SPINT4: variants seen among roughly 807,000 people sequenced by gnomAD.
SPINT4 encodes kunitz-type protease inhibitor 4.
A neutral mutation model predicts 9.4 loss-of-function variants in SPINT4; 7 were observed. That is an observed-to-expected ratio of 0.74 (90% CI 0.42 to 1.40). SPINT4 has a LOEUF of 1.40. SPINT4 is among the 40% of genes most tolerant of loss of function. The probability of loss-of-function intolerance (pLI) is 0.01; values close to 1 mark genes in which losing one functional copy is unlikely to be tolerated. For synonymous variants in SPINT4, 36 were observed against 39.9 expected, an observed-to-expected ratio of 0.90 and a Z score of 0.37; for missense variants, 105 against 114.4, an observed-to-expected ratio of 0.92 and a Z score of 0.37.
chr20:45,722,674 GA>G (rs1568681814), intron 1 of SPINT4, among the ~76,000 whole-genome samples, 192 bp downstream of exon 1: 2 of 152,036 alleles, frequency 1.3e-5, no homozygotes, highest in Admixed American at 6.6e-5. Context: ...AGAAAAAACA[GA>G]AATGACACAA....
In SPINT4 at chr20:45,723,989, T is replaced by C; in HGVS notation, c.225T>C (p.Asn75=). 3 of 1,610,832 alleles carry C rather than the reference T, an allele frequency of 1.9e-6. No individual in the cohort carries two copies. The highest frequency in any genetic ancestry group is 1.7e-5 in the Admixed American group (1 of 59,260). The part of the protein sequence containing the change: ...RCETFVFSGC[N]GNLNNFKLKI... ...AAACTTTTGTCTTCTCCGGCTGTAA[T>C]GGCAACCTTAACAACTTCAAGCTTA... Residue 75 remains asparagine, a synonymous_variant, in exon 2 of 3, where the codon AAT becomes AAC. Coordinates refer to ENST00000279058, the MANE Select transcript of SPINT4 (RefSeq NM_178455.3).
intron 1 of SPINT4, among the ~76,000 whole-genome samples, chr20:45,723,351 C>A (rs6017663): frequency 0.46 from 70,468 of 151,708 alleles, 18,030 homozygotes; most frequent in African/African-American, 0.67. Context: ...TGAGGATGAA[C>A]GAGCATCACC....
chr20:45,722,599 C>T (rs1984824865), intron 1 of SPINT4, 117 bp downstream of exon 1: 4 of 730,798 alleles, frequency 5.5e-6, no homozygotes, highest in Non-Finnish European at 9.5e-6. Context: ...ATGACAATAC[C>T]CATAGACACT....
At chr20:45,724,994 A>T (rs1984901232) in intron 2 of SPINT4, among the ~76,000 whole-genome samples, 1 of 106,462 alleles carries the variant, frequency 9.4e-6, no homozygotes, top group Non-Finnish European at 1.8e-5. Context: ...AAAAAAAAAA[A>T]AATATATATA....
chr20:45,724,172 G>C (rs1216249108), intron 2 of SPINT4, 115 bp downstream of exon 2: 1 of 1,150,932 alleles, frequency 8.7e-7, no homozygotes, highest in Admixed American at 2.6e-5. Flanking sequence ...GGAAGAGGGA[G>C]GATTGCTCAA....
At chr20:45,722,508 T>C (rs1315813615) in intron 1 of SPINT4, 26 bp downstream of exon 1, 2 of 1,503,210 alleles carry the variant, frequency 1.3e-6, no homozygotes, top group East Asian at 2.3e-5. Context: ...AGAAAATAAA[T>C]CCAAAGGTCA....
chr20:45,725,013 T>TACACAC (rs1555808999), intron 2 of SPINT4, among the ~76,000 whole-genome samples: 2 of 49,524 alleles, frequency 4.0e-5, no homozygotes, highest in African/African-American at 3.1e-4. Flanking sequence ...TATATATATA[T>TACACAC]ATATATATAT....
chr20:45,725,100 G>A (rs1268905773), intron 2 of SPINT4, among the ~76,000 whole-genome samples: 7 of 147,144 alleles, frequency 4.8e-5, no homozygotes, highest in African/African-American at 1.8e-4. Context: ...CAAGCATCTC[G>A]AGGTCACATT....
intron 2 of SPINT4, among the ~76,000 whole-genome samples, chr20:45,724,675 T>A (rs995456451): frequency 2.6e-5 from 4 of 151,384 alleles, no homozygotes; most frequent in African/African-American, 9.7e-5. Flanking sequence ...TATATTGATA[T>A]AATTTAAAAT....
chr20:45,725,490 T>A, intron 2 of SPINT4, 139 bp from the exon 3 acceptor site: 2 of 859,832 alleles, frequency 2.3e-6, no homozygotes, highest in South Asian at 3.0e-5. Context: ...GAAAGATTAA[T>A]CAATAAAATA....
At chr20:45,722,948 T>C (rs1984835827) in intron 1 of SPINT4, among the ~76,000 whole-genome samples, 1 of 152,052 alleles carries the variant, frequency 6.6e-6, no homozygotes, top group African/African-American at 2.4e-5. Flanking sequence ...CTTTCTTCCA[T>C]AGATAGTGTG....
rs770970630 is a variant in SPINT4, at chr20:45,724,026, G to A, written c.262G>A (p.Glu88Lys). 45 of 1,609,802 alleles carry A rather than the reference G, an allele frequency of 2.8e-5. No homozygotes were observed. The highest frequency in any genetic ancestry group is 3.6e-5 in the Non-Finnish European group (43 of 1,178,884). ...CAACTTCAAGCTTAAAATAGAACGT[G>A]AAGTAGCCTGTGTTGCAAAATACAA... ...LNNFKLKIER[E>K]VACVAKYKPP... The change falls in exon 2 of 3, where the codon GAA becomes AAA. Residue 88 changes from glutamate to lysine, a missense_variant. By Grantham distance (56) the Glu-to-Lys change is moderately conservative. Coordinates refer to ENST00000279058, the MANE Select transcript of SPINT4 (RefSeq NM_178455.3).
rs200862274 is a variant in SPINT4, at chr20:45,723,995, C to A, written c.231C>A (p.Asn77Lys). 12 of 1,610,262 alleles carry A rather than the reference C, an allele frequency of 7.5e-6. No homozygotes were observed. The highest frequency in any genetic ancestry group is 2.2e-5 in the South Asian group (2 of 90,080). Residue 77 changes from asparagine to lysine, a missense_variant, in exon 2 of 3, where the codon AAC becomes AAA. By Grantham distance (94) the Asn-to-Lys change is moderately conservative. Transcript: ENST00000279058. ...ETFVFSGCNG[N>K]LNNFKLKIER... ...TTGTCTTCTCCGGCTGTAATGGCAA[C>A]CTTAACAACTTCAAGCTTAAAATAG... is the stretch of plus-strand genomic sequence containing the variant.
At chr20:45,725,013 T>TATATATACACATATATATATATACAC (rs772192688) in intron 2 of SPINT4, among the ~76,000 whole-genome samples, 1 of 49,520 alleles carries the variant, frequency 2.0e-5, no homozygotes, top group Non-Finnish European at 3.3e-5. Flanking sequence ...TATATATATA[T>TATATATACACATATATATATATACAC]ATATATATAT....
At position 45,724,512 on chromosome 20, in the gene SPINT4, T is replaced by TA. The variant is rs58689567; in HGVS notation, c.293+476dup. On this transcript the variant is annotated intron_variant, in intron 2 of 2. Coordinates refer to ENST00000279058, the MANE Select transcript of SPINT4 (RefSeq NM_178455.3). ...TGGGCAATAAGAGCAAAACTCCATC[T>TA]AAAAAAAAAAAAAAAAAAAAACCAC... Among the ~76,000 whole-genome samples, 500 of 114,462 alleles carry TA rather than the reference T, an allele frequency of 4.4e-3. 2 individuals carry two copies. The highest frequency in any genetic ancestry group is 9.0e-3 in the South Asian group (33 of 3,670). 75.1% of individuals were successfully genotyped at this position (114,462 alleles called of 152,430 possible). A position where few individuals can be genotyped will look rare whatever the true frequency, so the allele number is the denominator to read the frequency against.
rs767451526 is a variant in SPINT4, at chr20:45,722,489, A to C, written c.115+7A>C. ...ATATGTGGAGACCTCAAAGGTATGA[A>C]GCTAAGGCAGAAAATAAATCCAAAG... On this transcript the variant is annotated splice_region_variant and intron_variant, in intron 1 of 2. Coordinates refer to ENST00000279058, the MANE Select transcript of SPINT4 (RefSeq NM_178455.3). 1.4e-5 allele frequency: 22 copies of C among 1,575,428 alleles called. No individual in the cohort carries two copies. Among genetic ancestry groups the C allele is most frequent in the Non-Finnish European group, 1.8e-5 (21 of 1,144,626 alleles).
chr20:45,723,964 A>G lies in SPINT4; in HGVS notation c.200A>G (p.Glu67Gly). The G allele has an allele frequency of 6.2e-7, 1 of 1,610,062 alleles. No homozygotes were observed. The highest frequency in any genetic ancestry group is 8.5e-7 in the Non-Finnish European group (1 of 1,178,852). Reference sequence around the variant, plus strand: ...TACAACAGAACCTCCAAAAGATGTGAAACTTTTGTCTTCTCCGGCTGTAAT... The same window carrying G: ...TACAACAGAACCTCCAAAAGATGTGGAACTTTTGTCTTCTCCGGCTGTAAT... ...YFYNRTSKRC[E>G]TFVFSGCNGN... The change falls in exon 2 of 3, where the codon GAA (glutamate) becomes GGA (glycine). Residue 67 changes from glutamate to glycine, a missense_variant. Glu to Gly is a moderately conservative substitution (Grantham distance 98). Transcript: ENST00000279058.
chr20:45,722,435 TG>T lies in SPINT4; in HGVS notation c.71del (p.Gly24ValfsTer22), dbSNP rs1340185898. On this transcript the variant is annotated frameshift_variant, in exon 1 of 3. Transcript: ENST00000279058. LOFTEE classifies it high-confidence loss of function. ...FIFCSLNTLL[L>X]GGVNKIAEKI... ...TTCTGCTCATTGAATACCCTGTTATTGGGTGGTGTTAATAAAATTGCGGAGA... is the reference window on the plus strand; with the variant it reads ...TTCTGCTCATTGAATACCCTGTTATTGGTGGTGTTAATAAAATTGCGGAGA... 5 of 1,613,606 alleles carry T rather than the reference TG, an allele frequency of 3.1e-6. No homozygotes were observed. Among genetic ancestry groups the T allele is most frequent in the Non-Finnish European group, 3.4e-6 (4 of 1,179,636 alleles).
At chr20:45,724,297 T>C (rs1466118849) in intron 2 of SPINT4, among the ~76,000 whole-genome samples, 1 of 151,220 alleles carries the variant, frequency 6.6e-6, no homozygotes, top group Non-Finnish European at 1.5e-5. Flanking sequence ...AAGACCAGCC[T>C]GACCAACATG....
Sources: allele counts gnomAD v4.1 joint callset (sites outside exome capture counted in the v4.1 genomes callset), GRCh38; gene constraint gnomAD v4.1.1; transcripts MANE v1.5; gene names NCBI Gene and HGNC (gene_info 2026-07-23, HGNC 2026-07-21).